Variants in SLC25A21 observed in about 807,000 individuals in gnomAD.
The protein encoded by SLC25A21 is solute carrier family 25 member 21.
SLC25A21 carries 47 observed loss-of-function variants against 43.8 expected under a neutral mutation model. The ratio of observed to expected loss-of-function variants is 1.07; its 90% CI spans 0.85 to 1.37. The LOEUF is 1.37. SLC25A21 is among the 40% of genes most tolerant of loss of function. The probability of loss-of-function intolerance (pLI) is 0.00; values close to 1 mark genes in which losing one functional copy is unlikely to be tolerated. For missense variants in SLC25A21, 352 were observed against 350.2 expected, an observed-to-expected ratio of 1.00 and a Z score of -0.04; for synonymous variants, 131 against 121.3, an observed-to-expected ratio of 1.08 and a Z score of -0.52.
chr14:36,720,313 T>C (rs1307621414), intron 6 of SLC25A21, among the ~76,000 whole-genome samples: 2 of 152,232 alleles, frequency 1.3e-5, no homozygotes, highest in African/African-American at 4.8e-5. Flanking sequence ...GGAAATTTCA[T>C]GTCTAAAAGA....
chr14:37,057,188 C>T (rs976526035), intron 1 of SLC25A21, among the ~76,000 whole-genome samples: 8 of 152,114 alleles, frequency 5.3e-5, no homozygotes, highest in Admixed American at 5.2e-4. Flanking sequence ...TCACCAGCTC[C>T]CTAACTATTT....
At chr14:36,760,175 C>A (rs1886090325) in intron 3 of SLC25A21, among the ~76,000 whole-genome samples, 1 of 152,160 alleles carries the variant, frequency 6.6e-6, no homozygotes, top group South Asian at 2.1e-4. Flanking sequence ...GTTTCAGGGG[C>A]AGCAGGAACT....
intron 1 of SLC25A21, among the ~76,000 whole-genome samples, chr14:37,012,198 A>G (rs1283629307): frequency 6.6e-6 from 1 of 152,214 alleles, no homozygotes; most frequent in Non-Finnish European, 1.5e-5. Flanking sequence ...AGGCTACTGT[A>G]TATCACCGCT....
intron 1 of SLC25A21, among the ~76,000 whole-genome samples, chr14:36,970,544 C>T (rs144484752): frequency 4.6e-5 from 7 of 152,150 alleles, no homozygotes; most frequent in Admixed American, 1.3e-4. Context: ...ATTAAGTCAA[C>T]AATTACCAGC....
At chr14:36,924,001 G>A (rs1465945890) in intron 1 of SLC25A21, among the ~76,000 whole-genome samples, 1 of 152,142 alleles carries the variant, frequency 6.6e-6, no homozygotes, top group Admixed American at 6.6e-5. Context: ...AGTTAGAATG[G>A]TGATCATTAA....
chr14:36,895,531 C>T (rs992297920), intron 1 of SLC25A21, among the ~76,000 whole-genome samples: 1 of 152,154 alleles, frequency 6.6e-6, no homozygotes, highest in African/African-American at 2.4e-5. Flanking sequence ...TTTTGTGTCT[C>T]TATTTCCTTC....
chr14:36,889,665 AT>A (rs1382002661), intron 1 of SLC25A21, among the ~76,000 whole-genome samples: 1 of 151,138 alleles, frequency 6.6e-6, no homozygotes, highest in Non-Finnish European at 1.5e-5. Context: ...TTTTAATTTT[AT>A]TTTTTTTGTA....
intron 1 of SLC25A21, among the ~76,000 whole-genome samples, chr14:36,948,278 C>T (rs1892722883): frequency 1.3e-5 from 2 of 152,106 alleles, no homozygotes; most frequent in Admixed American, 1.3e-4. Context: ...TAATACAAGT[C>T]AGAAAACAAT....
At chr14:36,829,412 C>A in intron 2 of SLC25A21, among the ~76,000 whole-genome samples, 1 of 152,110 alleles carries the variant, frequency 6.6e-6, no homozygotes, top group East Asian at 1.9e-4. Flanking sequence ...AACAGGAGTT[C>A]ACTGTTCCCA....
chr14:36,790,449 C>A (rs941130480), intron 3 of SLC25A21, among the ~76,000 whole-genome samples: 6 of 151,878 alleles, frequency 4.0e-5, no homozygotes, highest in African/African-American at 1.5e-4. Flanking sequence ...TGCTTTAGCT[C>A]GAATAATTAG....
At chr14:36,974,026 GA>G (rs1253195568) in intron 1 of SLC25A21, among the ~76,000 whole-genome samples, 2 of 151,388 alleles carry the variant, frequency 1.3e-5, no homozygotes, top group East Asian at 3.9e-4. Flanking sequence ...ATATGAGAGG[GA>G]AAAAAAAGAG....
intron 3 of SLC25A21, chr14:36,809,030 C>T (rs1290156587): frequency 6.6e-6 from 1 of 152,140 alleles, no homozygotes; most frequent in African/African-American, 2.4e-5. Context: ...ACTAGGCCAA[C>T]TTTCATAAGA....
At chr14:36,689,429 G>A (rs1304689030) in intron 7 of SLC25A21, among the ~76,000 whole-genome samples, 1 of 151,610 alleles carries the variant, frequency 6.6e-6, no homozygotes, top group African/African-American at 2.4e-5. Flanking sequence ...TGTGTCTGTT[G>A]ATTTTATTAG....
Position 36,684,944 on chromosome 14 carries a change from A to G in SLC25A21, c.604-19T>C, listed in dbSNP as rs761769431. The G allele has an allele frequency of 5.6e-6, 9 of 1,599,402 alleles. No individual in the cohort carries two copies. The highest frequency in any genetic ancestry group is 6.8e-6 in the Non-Finnish European group (8 of 1,173,474). On this transcript the variant is annotated intron_variant, in intron 7 of 9. Transcript: ENST00000331299. ...TTGGATCCTAAAAGAAAAGAAGAAT[A>G]ATATAACAGAAAGGGGAGCGGAAGC...
intron 1 of SLC25A21, among the ~76,000 whole-genome samples, chr14:37,056,896 A>G (rs1423284437): frequency 6.6e-6 from 1 of 152,214 alleles, no homozygotes; most frequent in African/African-American, 2.4e-5. Flanking sequence ...TAAAGACTAG[A>G]AACACTTCAA....
chr14:36,911,245 A>G (rs1385301396), intron 1 of SLC25A21, among the ~76,000 whole-genome samples: 1 of 152,210 alleles, frequency 6.6e-6, no homozygotes, highest in African/African-American at 2.4e-5. Context: ...TGTATTTTAC[A>G]TGTATTAATT....
At position 36,679,051 on chromosome 14, in the gene SLC25A21, A is replaced by G; in HGVS notation, c.*1607T>C. ...ATGCACTCTTCAGAAATCCTTTTCTATCTGATCCACATGGAGAGGTTAAAG... is the reference window on the plus strand; with the variant it reads ...ATGCACTCTTCAGAAATCCTTTTCTGTCTGATCCACATGGAGAGGTTAAAG... On this transcript the variant is annotated 3_prime_UTR_variant, in exon 10 of 10. Transcript: ENST00000331299. 1 of 985,476 alleles carries G rather than the reference A, an allele frequency of 1.0e-6. No individual in the cohort carries two copies. Among genetic ancestry groups the G allele is most frequent in the Non-Finnish European group, 1.2e-6 (1 of 829,962 alleles). 61.0% of individuals were successfully genotyped at this position (985,476 alleles called of 1,614,324 possible). A position where few individuals can be genotyped will look rare whatever the true frequency, so the allele number is the denominator to read the frequency against.
At chr14:37,130,447 T>C (rs1963374237) in intron 1 of SLC25A21, among the ~76,000 whole-genome samples, 1 of 152,204 alleles carries the variant, frequency 6.6e-6, no homozygotes, top group Non-Finnish European at 1.5e-5. Flanking sequence ...TGTTCTGTGT[T>C]AACATGGAAA....
In SLC25A21 at chr14:36,929,402, A is replaced by G. The variant is rs1209911868; in HGVS notation, c.71-54398T>C. 1.3e-5 allele frequency among the ~76,000 whole-genome samples: 2 copies of G among 152,172 alleles called. 1 individual carries two copies. Among genetic ancestry groups the G allele is most frequent in the Non-Finnish European group, 2.9e-5 (2 of 68,026 alleles). On this transcript the variant is annotated intron_variant, in intron 1 of 9. Transcript: ENST00000331299. ...CTCTATTAGGTTTAATAATGTTTTT[A>G]ATGTGTTTTTATTGCTTTAGTTCAC...
Sources: allele counts gnomAD v4.1 joint callset (sites outside exome capture counted in the v4.1 genomes callset), GRCh38; gene constraint gnomAD v4.1.1; transcripts MANE v1.5; gene names NCBI Gene and HGNC (gene_info 2026-07-23, HGNC 2026-07-21).